Variants in SLC44A5 observed in about 807,000 individuals in gnomAD.
SLC44A5 encodes choline transporter-like protein 5.
In SLC44A5, 57 loss-of-function variants were observed where a neutral mutation model predicts 101.8. That is an observed-to-expected ratio of 0.56 (90% CI 0.45 to 0.70). The LOEUF is 0.70. SLC44A5 is among the 30% of genes least tolerant of loss of function. The pLI, the probability that SLC44A5 is intolerant of heterozygous loss-of-function variation, is 0.00. For missense variants in SLC44A5, 737 were observed against 853.1 expected, an observed-to-expected ratio of 0.86 and a Z score of 1.70; for synonymous variants, 281 against 290.9, an observed-to-expected ratio of 0.97 and a Z score of 0.35.
rs2101997480 is a variant in SLC44A5, at chr1:75,557,278, C to G, written c.-69-15762G>C. Among the ~76,000 whole-genome samples, 3 of 152,192 alleles carry G rather than the reference C, an allele frequency of 2.0e-5. No homozygotes were observed. In the South Asian group the frequency reaches 6.2e-4, roughly 32 times the overall value. On this transcript the variant is annotated intron_variant, in intron 1 of 23. Coordinates refer to ENST00000370859, the MANE Select transcript of SLC44A5 (RefSeq NM_001130058.2). ...GCCAAGCAAAAAGAAAAAATTTCAT[C>G]CAGAGAAACATGGATTTGACACAGT...
At chr1:75,535,281 A>G (rs1012613559) in intron 2 of SLC44A5, among the ~76,000 whole-genome samples, 2 of 152,116 alleles carry the variant, frequency 1.3e-5, no homozygotes, top group Admixed American at 1.3e-4. Context: ...CCTGATACAT[A>G]TTTGAAGGAA....
At chr1:75,623,116 C>G in the SLC44A5 span, among the ~76,000 whole-genome samples, 1 of 152,008 alleles carries the variant, frequency 6.6e-6, no homozygotes, top group Non-Finnish European at 1.5e-5. Context: ...AGAAATAAAA[C>G]AGCATAGTTC....
At chr1:75,477,401 C>A (rs773437864) in intron 2 of SLC44A5, among the ~76,000 whole-genome samples, 1 of 152,186 alleles carries the variant, frequency 6.6e-6, no homozygotes, top group African/African-American at 2.4e-5. Flanking sequence ...CAAAGCTGTA[C>A]GGAGAATGAC....
intron 3 of SLC44A5, among the ~76,000 whole-genome samples, chr1:75,353,022 AT>A (rs1658800899): frequency 6.6e-6 from 1 of 152,032 alleles, no homozygotes; most frequent in Non-Finnish European, 1.5e-5. Flanking sequence ...TAATTTGTCT[AT>A]TTTTGGCTTT....
At chr1:75,359,234 T>C (rs1054408114) in intron 3 of SLC44A5, among the ~76,000 whole-genome samples, 18 of 145,968 alleles carry the variant, frequency 1.2e-4, no homozygotes, top group Admixed American at 5.5e-4. Flanking sequence ...TCTTTTCTTT[T>C]TTTTTTTTTT....
chr1:75,616,211 C>A, the SLC44A5 span, among the ~76,000 whole-genome samples: 1 of 151,792 alleles, frequency 6.6e-6, no homozygotes, highest in Non-Finnish European at 1.5e-5. Context: ...GCCCGCCCAG[C>A]GCTGACCTCC....
intron 5 of SLC44A5, among the ~76,000 whole-genome samples, chr1:75,278,471 T>A (rs541068183): frequency 5.9e-5 from 9 of 152,250 alleles, no homozygotes; most frequent in African/African-American, 2.2e-4. Flanking sequence ...ATCCTTTTTA[T>A]AATAGTTAAC....
intron 1 of SLC44A5, among the ~76,000 whole-genome samples, chr1:75,569,695 G>A (rs984029148): frequency 1.1e-4 from 17 of 152,144 alleles, no homozygotes; most frequent in African/African-American, 3.9e-4. Flanking sequence ...AATAATATCA[G>A]TTAATAGGAT....
intron 1 of SLC44A5, among the ~76,000 whole-genome samples, chr1:75,571,623 C>T (rs147621694): frequency 6.6e-6 from 1 of 152,190 alleles, no homozygotes; most frequent in East Asian, 1.9e-4. Flanking sequence ...TGTTGCCCAA[C>T]TGTAGGCTAA....
the SLC44A5 span, among the ~76,000 whole-genome samples, chr1:75,706,614 A>G: frequency 2.0e-5 from 3 of 152,120 alleles, no homozygotes; most frequent in Non-Finnish European, 4.4e-5. Flanking sequence ...GTTATTAAAC[A>G]CAAATATTTT....
chr1:75,446,102 A>AC (rs1665559886), intron 2 of SLC44A5, among the ~76,000 whole-genome samples: 2 of 151,894 alleles, frequency 1.3e-5, no homozygotes, highest in African/African-American at 4.8e-5. Flanking sequence ...AGTTTCTCTG[A>AC]CCCCCCATTA....
At chr1:75,572,208 A>C (rs1468189259) in intron 1 of SLC44A5, among the ~76,000 whole-genome samples, 2 of 152,218 alleles carry the variant, frequency 1.3e-5, no homozygotes, top group African/African-American at 2.4e-5. Context: ...GAACAGTGAA[A>C]GTAAGTCTCA....
At chr1:75,479,483 A>T (rs1299195892) in intron 2 of SLC44A5, among the ~76,000 whole-genome samples, 1 of 152,220 alleles carries the variant, frequency 6.6e-6, no homozygotes, top group Non-Finnish European at 1.5e-5. Context: ...GAAAGGATCA[A>T]CAAAATTGAT....
the SLC44A5 span, among the ~76,000 whole-genome samples, chr1:75,631,539 ATTT>A: frequency 4.9e-5 from 4 of 80,848 alleles, no homozygotes; most frequent in African/African-American, 2.1e-4. Context: ...CACCTGGCTA[ATTT>A]TTTTTTTTTT....
At chr1:75,280,947 A>G (rs2100777091) in intron 5 of SLC44A5, among the ~76,000 whole-genome samples, 1 of 152,224 alleles carries the variant, frequency 6.6e-6, no homozygotes, top group East Asian at 1.9e-4. Context: ...GAATAATACA[A>G]TAAATTGGTA....
At chr1:75,535,172 T>C (rs1277737649) in intron 2 of SLC44A5, among the ~76,000 whole-genome samples, 3 of 152,042 alleles carry the variant, frequency 2.0e-5, no homozygotes, top group Non-Finnish European at 4.4e-5. Context: ...GGCAGTTCTG[T>C]TACTTCACAG....
chr1:75,638,738 CATT>C, the SLC44A5 span, among the ~76,000 whole-genome samples: 1 of 152,034 alleles, frequency 6.6e-6, no homozygotes, highest in East Asian at 1.9e-4. Flanking sequence ...AAACAAAATT[CATT>C]ATTTTTATGA....
chr1:75,279,109 TAC>T (rs1203896779), intron 5 of SLC44A5, among the ~76,000 whole-genome samples: 1 of 152,086 alleles, frequency 6.6e-6, no homozygotes, highest in Non-Finnish European at 1.5e-5. Flanking sequence ...TATTGTTAAC[TAC>T]AGTTTCCCCA....
At chr1:75,331,919 A>C (rs138196803) in intron 4 of SLC44A5, among the ~76,000 whole-genome samples, 2 of 152,072 alleles carry the variant, frequency 1.3e-5, no homozygotes, top group African/African-American at 4.8e-5. Context: ...TTCATCACCA[A>C]ATCTAAATTA....
Sources: gnomAD v4.1 joint callset for allele counts (sites outside exome capture counted in the v4.1 genomes callset) on GRCh38, gnomAD v4.1.1 for gene constraint, MANE v1.5 for transcripts, NCBI Gene and HGNC (gene_info 2026-07-23, HGNC 2026-07-21) for gene names.